MAST2: variants seen among roughly 807,000 people sequenced by gnomAD.
The protein encoded by MAST2 is microtubule-associated serine/threonine-protein kinase 2.
A neutral mutation model predicts 147.4 loss-of-function variants in MAST2; 70 were observed. That is an observed-to-expected ratio of 0.47 (90% CI 0.39 to 0.58). The LOEUF (loss-of-function observed/expected upper bound fraction) is 0.58, where lower values mean the gene tolerates loss of function less well. MAST2 is among the 20% of genes least tolerant of loss of function. The pLI, the probability that MAST2 is intolerant of heterozygous loss-of-function variation, is 0.00. For missense variants in MAST2, 2,080 were observed against 2,302.3 expected, an observed-to-expected ratio of 0.90 and a Z score of 1.98; for synonymous variants, 869 against 896.8, an observed-to-expected ratio of 0.97 and a Z score of 0.55.
chr1:45,991,971 CCCCCAACTCAG>C (rs927489189), intron 5 of MAST2, among the ~76,000 whole-genome samples: 1 of 152,026 alleles, frequency 6.6e-6, no homozygotes, highest in African/African-American at 2.4e-5. Flanking sequence ...TCAAGTAATC[CCCCCAACTCAG>C]CCTCCGAAAG....
At chr1:45,944,370 A>G (rs1657741179) in intron 4 of MAST2, among the ~76,000 whole-genome samples, 1 of 152,158 alleles carries the variant, frequency 6.6e-6, no homozygotes, top group South Asian at 2.1e-4. Flanking sequence ...CTTGATTTTT[A>G]TTTATTGAAA....
At chr1:45,987,209 G>A (rs1197125251) in intron 5 of MAST2, among the ~76,000 whole-genome samples, 1 of 152,100 alleles carries the variant, frequency 6.6e-6, no homozygotes, top group East Asian at 1.9e-4. Flanking sequence ...ATAGAAATGT[G>A]ACCTTTCTCA....
chr1:45,957,990 T>A (rs544411643), intron 4 of MAST2, among the ~76,000 whole-genome samples: 1 of 152,146 alleles, frequency 6.6e-6, no homozygotes, highest in African/African-American at 2.4e-5. Context: ...AGAAGAGAAA[T>A]TGGGGATATA....
chr1:45,971,699 C>CTT (rs1318726838), intron 5 of MAST2, among the ~76,000 whole-genome samples: 2 of 152,168 alleles, frequency 1.3e-5, no homozygotes, highest in African/African-American at 2.4e-5. Flanking sequence ...TAATTTGAAG[C>CTT]TTAGTGGCAT....
intron 1 of MAST2, among the ~76,000 whole-genome samples, chr1:45,806,616 C>T (rs187241702): frequency 2.6e-5 from 4 of 152,274 alleles, no homozygotes; most frequent in Admixed American, 2.0e-4. Context: ...CTTGCTCTCT[C>T]GCCCAGGCTG....
At chr1:45,852,187 A>G (rs1645642667) in intron 3 of MAST2, among the ~76,000 whole-genome samples, 1 of 152,144 alleles carries the variant, frequency 6.6e-6, no homozygotes, top group Non-Finnish European at 1.5e-5. Context: ...TGTACAAGTC[A>G]TGCAATCTCA....
intron 5 of MAST2, among the ~76,000 whole-genome samples, chr1:45,996,375 A>T (rs746874754): frequency 2.1e-4 from 32 of 152,136 alleles, no homozygotes; most frequent in South Asian, 4.2e-4. Flanking sequence ...AATTTTTTTT[A>T]AAAAAATAAG....
intron 4 of MAST2, among the ~76,000 whole-genome samples, chr1:45,929,461 C>T (rs1390195428): frequency 3.9e-5 from 6 of 152,124 alleles, no homozygotes; most frequent in African/African-American, 1.4e-4. Context: ...TGAGGAAAAC[C>T]TTGGCTTCCT....
intron 3 of MAST2, among the ~76,000 whole-genome samples, chr1:45,830,876 T>TA (rs571995373): frequency 3.4e-4 from 50 of 147,476 alleles, no homozygotes; most frequent in African/African-American, 1.0e-3. Flanking sequence ...ATAATAATCA[T>TA]AAAAAAAAAA....
chr1:45,894,999 A>G (rs1017646199), intron 4 of MAST2, among the ~76,000 whole-genome samples: 19 of 152,206 alleles, frequency 1.2e-4, no homozygotes, highest in East Asian at 9.6e-4. Context: ...TGTAACTACA[A>G]CCACAATTAA....
intron 4 of MAST2, among the ~76,000 whole-genome samples, chr1:45,901,870 A>G (rs568039790): frequency 6.6e-5 from 10 of 152,278 alleles, no homozygotes; most frequent in Non-Finnish European, 1.2e-4. Context: ...GGGTCTAGGA[A>G]TCATTTGGAG....
intron 4 of MAST2, among the ~76,000 whole-genome samples, chr1:45,951,684 A>AT (rs1258615999): frequency 2.0e-5 from 3 of 152,246 alleles, no homozygotes; most frequent in African/African-American, 7.2e-5. Context: ...GGAATAAAAT[A>AT]TATGTATTGT....
At chr1:45,987,788 T>A (rs1644704724) in intron 5 of MAST2, among the ~76,000 whole-genome samples, 1 of 142,474 alleles carries the variant, frequency 7.0e-6, no homozygotes, top group African/African-American at 2.6e-5. Context: ...TTTTTTTTTT[T>A]TTTTTTTTTT....
At chr1:45,852,763 T>A (rs1348922085) in intron 3 of MAST2, among the ~76,000 whole-genome samples, 1 of 152,056 alleles carries the variant, frequency 6.6e-6, no homozygotes, top group African/African-American at 2.4e-5. Flanking sequence ...CCGTCTAAAT[T>A]GTTGCATGTA....
At chr1:46,011,213 T>C (rs1645701306) in intron 10 of MAST2, 3 of 421,178 alleles carry the variant, frequency 7.1e-6, no homozygotes, top group Non-Finnish European at 1.3e-5. Flanking sequence ...CCATGGGTAG[T>C]AGTCATAAGT....
intron 22 of MAST2, 99 bp downstream of exon 22, chr1:46,030,860 C>G: frequency 6.8e-7 from 1 of 1,473,076 alleles, no homozygotes; most frequent in Middle Eastern, 1.8e-4. Flanking sequence ...GTGCAGGTGG[C>G]AGGGAGGGGG....
At chr1:45,918,485 C>T (rs959155084) in intron 4 of MAST2, among the ~76,000 whole-genome samples, 24 of 152,156 alleles carry the variant, frequency 1.6e-4, no homozygotes, top group African/African-American at 5.8e-4. Flanking sequence ...GTCACCCAGG[C>T]TGGAGTGCAA....
chr1:45,859,213 G>C (rs181004740), intron 3 of MAST2, among the ~76,000 whole-genome samples: 1 of 152,166 alleles, frequency 6.6e-6, no homozygotes, highest in East Asian at 1.9e-4. Flanking sequence ...AGCTGTCTCA[G>C]CCTGATGAGT....
Position 46,034,642 on chromosome 1 carries a change from A to C in MAST2, c.3973A>C (p.Lys1325Gln). 2 of 1,614,050 alleles carry C rather than the reference A, an allele frequency of 1.2e-6. No individual in the cohort carries two copies. Among genetic ancestry groups the C allele is most frequent in the Non-Finnish European group, 1.7e-6 (2 of 1,180,010 alleles). Reference protein sequence around the residue: ...RPSSLHGLAPKLQRQYRSPRR... With the variant: ...RPSSLHGLAPQLQRQYRSPRR... Reference sequence around the variant, plus strand: ...CAGCTCCCTCCACGGTCTGGCACCCAAGCTCCAACGCCAGTACCGCTCTCC... The same window carrying C: ...CAGCTCCCTCCACGGTCTGGCACCCCAGCTCCAACGCCAGTACCGCTCTCC... The change falls in exon 29 of 29, where the codon AAG becomes CAG. Residue 1325 changes from lysine to glutamine, a missense_variant. Transcript: ENST00000361297.
Sources: gnomAD v4.1 joint callset for allele counts (sites outside exome capture counted in the v4.1 genomes callset) on GRCh38, gnomAD v4.1.1 for gene constraint, MANE v1.5 for transcripts, NCBI Gene and HGNC (gene_info 2026-07-23, HGNC 2026-07-21) for gene names.